DLGAP1: variants seen among roughly 807,000 people sequenced by gnomAD.
DLGAP1 encodes disks large-associated protein 1.
DLGAP1 carries 11 observed loss-of-function variants against 90.8 expected under a neutral mutation model. The observed-to-expected ratio is 0.12, with a 90% confidence interval of 0.08 to 0.20. DLGAP1 has a LOEUF of 0.20. DLGAP1 is among the 10% of genes least tolerant of loss of function. The pLI is 1.00. For synonymous variants in DLGAP1, 558 were observed against 540.7 expected (o/e 1.03, Z -0.44); for missense variants, 1,050 against 1,333.8 (o/e 0.79, Z 3.31).
intron 5 of DLGAP1, among the ~76,000 whole-genome samples, chr18:3,769,865 G>A (rs554720617): frequency 7.9e-5 from 12 of 152,078 alleles, no homozygotes; most frequent in African/African-American, 2.9e-4. Context: ...GGAAAACTGG[G>A]TATAAGGTGC....
At chr18:4,111,969 A>G (rs936963148) in intron 2 of DLGAP1, among the ~76,000 whole-genome samples, 16 of 150,786 alleles carry the variant, frequency 1.1e-4, no homozygotes, top group African/African-American at 3.9e-4. Flanking sequence ...AATAATTATT[A>G]TTTATATTTG....
At chr18:4,412,333 C>A (rs2082796990) in intron 1 of DLGAP1, among the ~76,000 whole-genome samples, 1 of 152,218 alleles carries the variant, frequency 6.6e-6, no homozygotes, top group African/African-American at 2.4e-5. Flanking sequence ...TTAAGGCTAT[C>A]ATCTCTGCCT....
chr18:4,321,345 T>C (rs566107801), intron 1 of DLGAP1, among the ~76,000 whole-genome samples: 39 of 152,372 alleles, frequency 2.6e-4, no homozygotes, highest in African/African-American at 8.9e-4. Context: ...TTTATGATCA[T>C]AGTAAAAGTA....
chr18:4,361,548 C>T (rs1657684636), intron 1 of DLGAP1, among the ~76,000 whole-genome samples: 1 of 152,060 alleles, frequency 6.6e-6, no homozygotes, highest in African/African-American at 2.4e-5. Flanking sequence ...AATGGATTTC[C>T]ACAAACAAGA....
chr18:4,312,713 T>C (rs2080430290), intron 1 of DLGAP1, among the ~76,000 whole-genome samples: 3 of 152,222 alleles, frequency 2.0e-5, no homozygotes, highest in African/African-American at 7.2e-5. Flanking sequence ...TCAGTTTTAT[T>C]TTACCATATT....
At chr18:4,283,314 A>G (rs1166352516) in intron 1 of DLGAP1, among the ~76,000 whole-genome samples, 2 of 152,226 alleles carry the variant, frequency 1.3e-5, no homozygotes, top group African/African-American at 4.8e-5. Flanking sequence ...AAAGAAATGG[A>G]AGACATTTCT....
chr18:4,449,629 A>C (rs1239661788), intron 1 of DLGAP1, among the ~76,000 whole-genome samples: 1 of 152,220 alleles, frequency 6.6e-6, no homozygotes, highest in Admixed American at 6.5e-5. Flanking sequence ...TATTTGGTGA[A>C]CATTCTATAT....
intron 1 of DLGAP1, among the ~76,000 whole-genome samples, chr18:4,242,053 A>G (rs2078546543): frequency 1.3e-5 from 2 of 152,154 alleles, no homozygotes; most frequent in Non-Finnish European, 2.9e-5. Context: ...TGCTTCCATC[A>G]TGAAAACCAT....
intron 1 of DLGAP1, among the ~76,000 whole-genome samples, chr18:4,400,990 T>C (rs999523607): frequency 4.6e-5 from 7 of 152,228 alleles, no homozygotes; most frequent in Admixed American, 4.6e-4. Flanking sequence ...AAGTCAACTC[T>C]TCTCTTCCTT....
At chr18:4,211,604 A>G (rs1432362219) in intron 1 of DLGAP1, among the ~76,000 whole-genome samples, 1 of 152,182 alleles carries the variant, frequency 6.6e-6, no homozygotes. Flanking sequence ...AGACGAGTAC[A>G]TATGAGCACA....
At chr18:4,318,814 T>C (rs1287646787) in intron 1 of DLGAP1, among the ~76,000 whole-genome samples, 6 of 152,216 alleles carry the variant, frequency 3.9e-5, no homozygotes, top group Admixed American at 3.3e-4. Flanking sequence ...ATGTTTATCA[T>C]TATTAATATC....
chr18:4,305,534 CAAAAAAAAAAA>C (rs562977821), intron 1 of DLGAP1, among the ~76,000 whole-genome samples: 1 of 73,084 alleles, frequency 1.4e-5, no homozygotes, highest in Non-Finnish European at 2.9e-5. Flanking sequence ...AACTCCGTCT[CAAAAAAAAAAA>C]AAAAAAGGAA....
chr18:3,908,276 T>C (rs1350297493), intron 3 of DLGAP1, among the ~76,000 whole-genome samples: 1 of 152,202 alleles, frequency 6.6e-6, no homozygotes, highest in Non-Finnish European at 1.5e-5. Context: ...ATTATGAATG[T>C]GGCATATTTA....
intron 4 of DLGAP1, among the ~76,000 whole-genome samples, chr18:3,827,267 T>C (rs1442918292): frequency 1.3e-5 from 2 of 151,998 alleles, no homozygotes; most frequent in Admixed American, 1.3e-4. Flanking sequence ...AGAGAAATGG[T>C]CCAAGAGCCA....
At chr18:4,337,454 G>A (rs1204835861) in intron 1 of DLGAP1, among the ~76,000 whole-genome samples, 1 of 152,078 alleles carries the variant, frequency 6.6e-6, no homozygotes, top group South Asian at 2.1e-4. Context: ...GCCTTTCAAA[G>A]TGCTGGGATT....
chr18:3,887,190 GGA>G (rs1187457451), intron 3 of DLGAP1, among the ~76,000 whole-genome samples: 1 of 152,214 alleles, frequency 6.6e-6, no homozygotes, highest in Non-Finnish European at 1.5e-5. Context: ...GAGTCTGTGT[GGA>G]GAGAGGAGAC....
At chr18:4,071,937 CTT>C (rs1706250864) in intron 2 of DLGAP1, among the ~76,000 whole-genome samples, 1 of 152,154 alleles carries the variant, frequency 6.6e-6, no homozygotes, top group Non-Finnish European at 1.5e-5. Flanking sequence ...TTCAGTTAGA[CTT>C]ATGGTCACTT....
chr18:4,096,985 A>T (rs1284800042), intron 2 of DLGAP1, among the ~76,000 whole-genome samples: 1 of 152,202 alleles, frequency 6.6e-6, no homozygotes, highest in South Asian at 2.1e-4. Context: ...GTTGGTCGGT[A>T]TATTTTTGTC....
chr18:3,630,053 T>C (rs2058467021), intron 7 of DLGAP1, among the ~76,000 whole-genome samples: 1 of 152,204 alleles, frequency 6.6e-6, no homozygotes, highest in Admixed American at 6.5e-5. Context: ...ATGTGTCAAC[T>C]TGACTGGGCC....
Sources: gnomAD v4.1 joint callset for allele counts (sites outside exome capture counted in the v4.1 genomes callset) on GRCh38, gnomAD v4.1.1 for gene constraint, MANE v1.5 for transcripts, NCBI Gene and HGNC (gene_info 2026-07-23, HGNC 2026-07-21) for gene names.